Variants in GDA observed in about 807,000 individuals in gnomAD.
GDA encodes guanine deaminase, also known as cytoplasmic PSD-95 interactor.
In GDA, 18 loss-of-function variants were observed where a neutral mutation model predicts 59.6. The ratio of observed to expected loss-of-function variants is 0.30; its 90% CI spans 0.21 to 0.45. The LOEUF (loss-of-function observed/expected upper bound fraction) is 0.45. Ranked by LOEUF, GDA falls within the 20% of genes least tolerant of loss-of-function variation. The pLI is 1.00. For missense variants in GDA, 427 were observed against 552.3 expected, an observed-to-expected ratio of 0.77 and a Z score of 2.27; for synonymous variants, 201 against 201.1, an observed-to-expected ratio of 1.00 and a Z score of 0.00.
chr9:72,256,937 C>T (rs1319436445), downstream of GDA: 1 of 152,296 alleles, frequency 6.6e-6, no homozygotes, highest in Non-Finnish European at 1.5e-5. Flanking sequence ...CTGTGGGTCT[C>T]ACGTACATTG....
chr9:72,217,058 G>A (rs1026237053), intron 5 of GDA, among the ~76,000 whole-genome samples: 1 of 152,156 alleles, frequency 6.6e-6, no homozygotes, highest in Admixed American at 6.5e-5. Flanking sequence ...GATGGTGGTT[G>A]TAAAACGCAA....
upstream of GDA, among the ~76,000 whole-genome samples, chr9:72,144,521 G>A (rs1219060475): frequency 6.6e-6 from 1 of 152,162 alleles, no homozygotes; most frequent in Non-Finnish European, 1.5e-5. Context: ...CATACCCACA[G>A]TGCTTAGCAT....
chr9:72,248,594 A>C lies in GDA; in HGVS notation c.*252A>C. The C allele has an allele frequency of 1.6e-6, 2 of 1,254,892 alleles. No homozygotes were observed. The highest frequency in any genetic ancestry group is 4.7e-5 in the South Asian group (2 of 42,128). The allele number at this position is 1,254,892 out of a possible 1,614,324, so 77.7% of individuals were successfully genotyped here. On this transcript the variant is annotated 3_prime_UTR_variant, in exon 14 of 14. Coordinates refer to ENST00000358399, the MANE Select transcript of GDA (RefSeq NM_004293.5). Reference sequence around the variant, plus strand: ...AGCTGCTCAGACTTACTTTAAGCTCAAACAGAAGGGAATGCTATTACTGGT... The same window carrying C: ...AGCTGCTCAGACTTACTTTAAGCTCCAACAGAAGGGAATGCTATTACTGGT...
chr9:72,146,209 G>T (rs1312655240), upstream of GDA, among the ~76,000 whole-genome samples: 1 of 152,120 alleles, frequency 6.6e-6, no homozygotes, highest in African/African-American at 2.4e-5. Context: ...GGCACCACAG[G>T]CAGAGAGAAG....
intron 1 of GDA, among the ~76,000 whole-genome samples, chr9:72,195,171 A>G (rs1833002131): frequency 6.6e-6 from 1 of 152,160 alleles, no homozygotes; most frequent in Non-Finnish European, 1.5e-5. Flanking sequence ...GCAGGGGGTG[A>G]TTGGTGAAGC....
chr9:72,127,636 C>CAAAA (rs369132489), intron 1 of GDA, among the ~76,000 whole-genome samples: 6 of 120,832 alleles, frequency 5.0e-5, no homozygotes, highest in Admixed American at 2.5e-4. Flanking sequence ...GACTCTGTCT[C>CAAAA]AAAAAAAAAA....
In GDA at chr9:72,250,048, T is replaced by C; in HGVS notation, c.*1706T>C. 3 of 973,028 alleles carry C rather than the reference T, an allele frequency of 3.1e-6. No homozygotes were observed. Among genetic ancestry groups the C allele is most frequent in the Non-Finnish European group, 3.7e-6 (3 of 818,698 alleles). The allele number at this position is 973,028 out of a possible 1,614,324, so 60.3% of individuals were successfully genotyped here. Reference sequence around the variant, plus strand: ...AGATAAGTATCTTAGTAAACCCAATTTCCAGTCTTAGTCTGTATTTCCAAT... The same window carrying C: ...AGATAAGTATCTTAGTAAACCCAATCTCCAGTCTTAGTCTGTATTTCCAAT... On this transcript the variant is annotated 3_prime_UTR_variant, in exon 14 of 14. Transcript: ENST00000358399.
chr9:72,187,579 C>G (rs1832014756), intron 1 of GDA, among the ~76,000 whole-genome samples: 2 of 152,102 alleles, frequency 1.3e-5, no homozygotes, highest in African/African-American at 4.8e-5. Context: ...AAAATTGGTA[C>G]CAACACCAGG....
chr9:72,211,456 G>T (rs181710075), intron 4 of GDA, among the ~76,000 whole-genome samples: 12 of 152,210 alleles, frequency 7.9e-5, no homozygotes, highest in African/African-American at 2.4e-5. Context: ...CTGGATTCGG[G>T]TTGATGATTC....
chr9:72,132,944 C>G (rs1274111760), intron 1 of GDA, among the ~76,000 whole-genome samples: 1 of 152,054 alleles, frequency 6.6e-6, no homozygotes, highest in Non-Finnish European at 1.5e-5. Flanking sequence ...TTGGGTATCC[C>G]CTGTGTAATA....
intron 1 of GDA, among the ~76,000 whole-genome samples, chr9:72,133,822 A>G (rs186266180): frequency 5.3e-5 from 8 of 152,310 alleles, no homozygotes; most frequent in Admixed American, 5.2e-4. Context: ...GCTTTAGTGC[A>G]AGGTTCAAGA....
At chr9:72,248,137 CTG>C (rs1251516227) in intron 13 of GDA, 133 bp from the exon 14 acceptor site, 2 of 686,244 alleles carry the variant, frequency 2.9e-6, no homozygotes, top group Non-Finnish European at 5.3e-6. Flanking sequence ...TATAAACAAT[CTG>C]AGGGTTGGGG....
At position 72,131,035 on chromosome 9, in the gene GDA, A is replaced by G. The variant is rs1826007408; in HGVS notation, c.-100+16202A>G. On this transcript the variant is annotated intron_variant, in intron 1 of 13. Transcript: ENST00000545168. ...GAAATAAGGGAGCAATAGTCATCAC[A>G]AGGACAGTGCAATTGGTTGGCTGTG... 2.6e-5 allele frequency among the ~76,000 whole-genome samples: 4 copies of G among 152,352 alleles called. No individual in the cohort carries two copies. The South Asian group carries it at 8.3e-4, about 32-fold the overall frequency.
chr9:72,143,226 T>C (rs34914421), intron 1 of GDA, among the ~76,000 whole-genome samples: 17,560 of 149,308 alleles, frequency 0.12, 2,050 homozygotes, highest in African/African-American at 0.31. Context: ...GCCTCCCAGG[T>C]TCAAGCGATT....
intron 1 of GDA, among the ~76,000 whole-genome samples, chr9:72,187,406 G>C (rs1038394231): frequency 6.6e-6 from 1 of 152,112 alleles, no homozygotes; most frequent in African/African-American, 2.4e-5. Flanking sequence ...ACATGCTCTT[G>C]CCTGCCCTTC....
In GDA at chr9:72,249,609, A is replaced by G; in HGVS notation, c.*1267A>G. 1 of 647,000 alleles carries G rather than the reference A, an allele frequency of 1.5e-6. No individual in the cohort carries two copies. Among genetic ancestry groups the G allele is most frequent in the Non-Finnish European group, 1.9e-6 (1 of 521,450 alleles). The allele number at this position is 647,000 out of a possible 1,614,324, so 40.1% of individuals were successfully genotyped here. ...CTATTTTTATGCTTCCATAACCTAG[A>G]ATTAAAACCAAATTATGACCTTATG... is the stretch of plus-strand genomic sequence containing the variant. On this transcript the variant is annotated 3_prime_UTR_variant, in exon 14 of 14. Coordinates refer to ENST00000358399, the MANE Select transcript of GDA (RefSeq NM_004293.5).
At position 72,250,661 on chromosome 9, in the gene GDA, T is replaced by G; in HGVS notation, c.*2319T>G. On this transcript the variant is annotated 3_prime_UTR_variant, in exon 14 of 14. Transcript: ENST00000358399. ...ACTTTGAAATGTTGCCTTTGCCTAATGTAGGTTGACTTTCTGAATTGTGGA... is the reference window on the plus strand; with the variant it reads ...ACTTTGAAATGTTGCCTTTGCCTAAGGTAGGTTGACTTTCTGAATTGTGGA... 6.2e-7 allele frequency: 1 copy of G among 1,607,826 alleles called. No individual in the cohort carries two copies. Among genetic ancestry groups the G allele is most frequent in the Non-Finnish European group, 8.5e-7 (1 of 1,178,030 alleles).
chr9:72,236,074 A>T (rs1838953268), intron 10 of GDA, among the ~76,000 whole-genome samples: 1 of 152,196 alleles, frequency 6.6e-6, no homozygotes, highest in Non-Finnish European at 1.5e-5. Flanking sequence ...CTTTCTCAAA[A>T]TCCATTATTC....
At chr9:72,239,663 CTA>C (rs1839398274) in intron 10 of GDA, among the ~76,000 whole-genome samples, 2 of 152,122 alleles carry the variant, frequency 1.3e-5, no homozygotes, top group African/African-American at 2.4e-5. Context: ...AGCAGACAGA[CTA>C]TTTCAAAGCT....
Sources: allele counts gnomAD v4.1 joint callset (sites outside exome capture counted in the v4.1 genomes callset), GRCh38; gene constraint gnomAD v4.1.1; transcripts MANE v1.5; gene names NCBI Gene and HGNC (gene_info 2026-07-23, HGNC 2026-07-21).